The following PPP4R2 variants were observed in gnomAD, a reference collection of about 807,000 sequenced individuals.
PPP4R2 encodes the protein serine/threonine-protein phosphatase 4 regulatory subunit 2.
In PPP4R2, 13 loss-of-function variants were observed where a neutral mutation model predicts 47.2. The observed-to-expected ratio is 0.28, with a 90% CI of 0.18 to 0.44. The LOEUF is 0.44. Ranked by LOEUF, PPP4R2 falls within the 20% of genes least tolerant of loss-of-function variation. The pLI, the probability that PPP4R2 is intolerant of heterozygous loss-of-function variation, is 1.00. For synonymous variants in PPP4R2, 151 were observed against 163.3 expected (o/e 0.92, Z 0.57); for missense variants, 421 against 491.2 (o/e 0.86, Z 1.35).
chr3:73,055,457 T>TGTGTGTGTG (rs1553650823), intron 3 of PPP4R2, among the ~76,000 whole-genome samples: 6 of 149,188 alleles, frequency 4.0e-5, no homozygotes, highest in African/African-American at 1.2e-4. Flanking sequence ...TGTGTGTGTA[T>TGTGTGTGTG]TAAAATATAT....
chr3:73,060,553 T>G (rs1163692069), intron 4 of PPP4R2, among the ~76,000 whole-genome samples: 3 of 151,780 alleles, frequency 2.0e-5, no homozygotes, highest in Non-Finnish European at 4.4e-5. Flanking sequence ...AGTAAAGTTA[T>G]TTTTACTGGG....
At chr3:73,040,830 CTG>C (rs1285187645) in intron 2 of PPP4R2, among the ~76,000 whole-genome samples, 1 of 152,028 alleles carries the variant, frequency 6.6e-6, no homozygotes, top group Non-Finnish European at 1.5e-5. Flanking sequence ...TTTTTTTAAA[CTG>C]TGATTAATAA....
chr3:73,001,804 T>G (rs6793075), intron 2 of PPP4R2, among the ~76,000 whole-genome samples: 58,258 of 151,506 alleles, frequency 0.38, 11,560 homozygotes, highest in African/African-American at 0.44. Flanking sequence ...AATTATTGTG[T>G]TTTTAGTAGA....
chr3:73,016,756 A>ATTT (rs1559551207), intron 2 of PPP4R2, among the ~76,000 whole-genome samples: 2 of 99,668 alleles, frequency 2.0e-5, no homozygotes, highest in African/African-American at 4.1e-5. Flanking sequence ...TTTTTTTTTA[A>ATTT]TACAGAGTCT....
At chr3:73,016,219 A>T (rs900231940) in intron 2 of PPP4R2, 1 of 152,180 alleles carries the variant, frequency 6.6e-6, no homozygotes, top group Non-Finnish European at 1.5e-5. Flanking sequence ...ATTCTTTGAG[A>T]TGTGGGAGTT....
chr3:73,019,063 A>G (rs1024080734), intron 2 of PPP4R2, among the ~76,000 whole-genome samples: 1 of 152,168 alleles, frequency 6.6e-6, no homozygotes, highest in Non-Finnish European at 1.5e-5. Flanking sequence ...TCGATGGACC[A>G]CATATATGAT....
intron 2 of PPP4R2, among the ~76,000 whole-genome samples, chr3:73,002,986 C>G (rs1444924702): frequency 2.6e-5 from 4 of 151,954 alleles, no homozygotes; most frequent in African/African-American, 7.3e-5. Flanking sequence ...CTGGTTCTCT[C>G]AAGAACACAG....
chr3:73,000,172 CA>C (rs1272273716), intron 2 of PPP4R2, among the ~76,000 whole-genome samples: 1 of 152,040 alleles, frequency 6.6e-6, no homozygotes, highest in Non-Finnish European at 1.5e-5. Context: ...GAGCTCAGGA[CA>C]AAAAATTTAA....
chr3:72,996,878 C>T lies in PPP4R2; in HGVS notation c.-160C>T, dbSNP rs1575829857. On this transcript the variant is annotated 5_prime_UTR_variant, in exon 1 of 9. Coordinates refer to ENST00000356692, the MANE Select transcript of PPP4R2 (RefSeq NM_174907.4). ...GCTCGCTCTGTCGGTCTTGCTCTCTCGCACGCTTCCCCCGGCTCCCTTCGT... is the reference window on the plus strand; with the variant it reads ...GCTCGCTCTGTCGGTCTTGCTCTCTTGCACGCTTCCCCCGGCTCCCTTCGT... The T allele has an allele frequency of 4.6e-6, 2 of 437,256 alleles. No individual in the cohort carries two copies. Among genetic ancestry groups the T allele is most frequent in the Admixed American group, 8.8e-5 (2 of 22,732 alleles). The allele number at this position is 437,256 out of a possible 1,614,324, so 27.1% of individuals were successfully genotyped here.
Position 73,065,823 on chromosome 3 carries a change from A to G in PPP4R2, c.*101A>G. ...AAATGGACCTTTAGTTTTACAAGAG[A>G]AGCAGGTTGTAAAATAAAGTACTTT... On this transcript the variant is annotated 3_prime_UTR_variant, in exon 9 of 9. Coordinates refer to ENST00000356692, the MANE Select transcript of PPP4R2 (RefSeq NM_174907.4). 1 of 755,846 alleles carries G rather than the reference A, an allele frequency of 1.3e-6. No homozygotes were observed. The highest frequency in any genetic ancestry group is 2.1e-6 in the Non-Finnish European group (1 of 478,326). The allele number at this position is 755,846 out of a possible 1,614,324, so 46.8% of individuals were successfully genotyped here. A position where few individuals can be genotyped will look rare whatever the true frequency, so the allele number is the denominator to read the frequency against.
chr3:73,001,549 G>A (rs563543338), intron 2 of PPP4R2, among the ~76,000 whole-genome samples: 7 of 152,292 alleles, frequency 4.6e-5, no homozygotes, highest in Admixed American at 4.6e-4. Context: ...ACTCCAGTCT[G>A]GGCAACAGAG....
Position 73,065,075 on chromosome 3 carries a change from G to C in PPP4R2, c.862G>C (p.Asp288His). ...ASSSSQDKDK[D>H]SRCTRQHCTE... ...ATCTTCATCTCAGGATAAAGACAAAGATAGCCGTTGTACCCGGCAGCACTG... is the reference window on the plus strand; with the variant it reads ...ATCTTCATCTCAGGATAAAGACAAACATAGCCGTTGTACCCGGCAGCACTG... The change falls in exon 8 of 9, where the codon GAT (aspartate) becomes CAT (histidine). Residue 288 changes from aspartate (D) to histidine (H), a missense_variant. Coordinates refer to ENST00000356692, the MANE Select transcript of PPP4R2 (RefSeq NM_174907.4). 1.2e-6 allele frequency: 2 copies of C among 1,614,042 alleles called. No individual in the cohort carries two copies. Among genetic ancestry groups the C allele is most frequent in the Non-Finnish European group, 1.7e-6 (2 of 1,179,940 alleles).
Position 73,025,061 on chromosome 3 carries a change from AT to A in PPP4R2, c.117-22123del, listed in dbSNP as rs1702036515. On this transcript the variant is annotated intron_variant, in intron 2 of 8. Transcript: ENST00000356692. ...CACATTTTTGGAGGAAAATAATCTG[AT>A]TGGCCTGGCCCTGGTCAGGTGGGGT... 2.0e-5 allele frequency among the ~76,000 whole-genome samples: 3 copies of A among 152,140 alleles called. No homozygotes were observed. The South Asian group carries it at 6.2e-4, about 32-fold the overall frequency.
chr3:73,017,501 G>T (rs1004384358), intron 2 of PPP4R2, among the ~76,000 whole-genome samples: 2 of 152,122 alleles, frequency 1.3e-5, no homozygotes, highest in Non-Finnish European at 2.9e-5. Flanking sequence ...CCACTGGTGG[G>T]TCCCCTGCAT....
At chr3:73,018,406 T>TTGTTATGTTATGTTA in intron 2 of PPP4R2, among the ~76,000 whole-genome samples, 1 of 68,204 alleles carries the variant, frequency 1.5e-5, no homozygotes, top group South Asian at 5.0e-4. Flanking sequence ...GCTGTCATAG[T>TTGTTATGTTATGTTA]CGTTATGTTA....
intron 5 of PPP4R2, chr3:73,061,969 A>G (rs1015378016): frequency 7.3e-6 from 5 of 688,908 alleles, no homozygotes; most frequent in Non-Finnish European, 1.2e-5. Flanking sequence ...ATTAAAATGT[A>G]TACATGATAA....
At chr3:73,022,804 A>G (rs1045224063) in intron 2 of PPP4R2, among the ~76,000 whole-genome samples, 1 of 149,814 alleles carries the variant, frequency 6.7e-6, no homozygotes, top group African/African-American at 2.5e-5. Context: ...GCAGTCTTAC[A>G]GTTGATGCTG....
intron 5 of PPP4R2, 27 bp downstream of exon 5, chr3:73,061,087 ATAT>A: frequency 8.6e-7 from 1 of 1,157,886 alleles, no homozygotes; most frequent in Non-Finnish European, 1.2e-6. Context: ...TATTTCTAGT[ATAT>A]TATTTACTAT....
intron 2 of PPP4R2, among the ~76,000 whole-genome samples, chr3:73,008,276 T>C (rs1170148665): frequency 2.0e-5 from 3 of 152,252 alleles, no homozygotes; most frequent in Non-Finnish European, 2.9e-5. Flanking sequence ...ATAAGTTGAA[T>C]AGATGCCCTT....
Sources: allele counts gnomAD v4.1 joint callset (sites outside exome capture counted in the v4.1 genomes callset), GRCh38; gene constraint gnomAD v4.1.1; transcripts MANE v1.5; gene names NCBI Gene and HGNC (gene_info 2026-07-23, HGNC 2026-07-21).